Variants in SLC1A4 observed in about 807,000 individuals in gnomAD.
The protein encoded by SLC1A4 is neutral amino acid transporter A.
A neutral mutation model predicts 37.7 loss-of-function variants in SLC1A4; 19 were observed. The observed-to-expected ratio is 0.50, with a 90% CI of 0.35 to 0.74. The LOEUF is 0.74. Among genes scored for constraint, SLC1A4 ranks in the 30% least tolerant of loss-of-function variants. The pLI is 0.01. For missense variants in SLC1A4, 570 were observed against 712.9 expected (o/e 0.80, Z 2.28); for synonymous variants, 299 against 309.8 (o/e 0.97, Z 0.37).
intron 1 of SLC1A4, among the ~76,000 whole-genome samples, chr2:64,990,554 T>C (rs1558510984): frequency 6.6e-6 from 1 of 152,208 alleles, no homozygotes; most frequent in Non-Finnish European, 1.5e-5. Context: ...TTCTCCCACA[T>C]GGTGCCTAAA....
intron 2 of SLC1A4, 40 bp from the exon 3 acceptor site, chr2:65,003,913 T>G: frequency 6.4e-7 from 1 of 1,563,026 alleles, no homozygotes; most frequent in Non-Finnish European, 8.8e-7. Flanking sequence ...GGTCTTCACC[T>G]GTGCACTAAC....
At chr2:65,015,183 G>A (rs937168237) in intron 4 of SLC1A4, among the ~76,000 whole-genome samples, 7 of 152,232 alleles carry the variant, frequency 4.6e-5, no homozygotes, top group Admixed American at 2.6e-4. Flanking sequence ...GGAGGGGAAA[G>A]TAGGCTGTTA....
intron 1 of SLC1A4, among the ~76,000 whole-genome samples, chr2:64,991,732 C>G (rs530020155): frequency 7.9e-5 from 12 of 152,340 alleles, no homozygotes; most frequent in Non-Finnish European, 1.2e-4. Flanking sequence ...TCCCGAGTAG[C>G]TGGGATTACA....
intron 1 of SLC1A4, among the ~76,000 whole-genome samples, chr2:64,990,697 T>C (rs530981496): frequency 4.6e-5 from 7 of 152,284 alleles, no homozygotes; most frequent in Admixed American, 2.6e-4. Flanking sequence ...CCACGGATAA[T>C]AGGGCTGGGG....
intron 7 of SLC1A4, among the ~76,000 whole-genome samples, chr2:65,019,984 CCT>C (rs1221221804): frequency 6.6e-6 from 1 of 152,208 alleles, no homozygotes; most frequent in Non-Finnish European, 1.5e-5. Flanking sequence ...CACATTTTTC[CCT>C]CTCTTCAAAA....
chr2:65,018,121 T>G lies in SLC1A4; in HGVS notation c.1085T>G (p.Val362Gly), dbSNP rs942888353. Residue 362 changes from valine to glycine, a missense_variant, in exon 6 of 8, where the codon GTG (valine) becomes GGG (glycine). By Grantham distance (109) the Val-to-Gly change is moderately radical. Coordinates refer to ENST00000234256, the MANE Select transcript of SLC1A4 (RefSeq NM_003038.5). This position sits in a 1 kb window ranked among gnomAD's most constrained non-coding sequence, Gnocchi z 4.3. ...AAGTGCATTGAAGAGAACAATGGTG[T>G]GGACAAGAGGATCAGCAGGTTTATT... ...MMKCIEENNGVDKRISRFILP... is the reference protein window; with the variant it reads ...MMKCIEENNGGDKRISRFILP... 1 of 1,614,078 alleles carries G rather than the reference T, an allele frequency of 6.2e-7. No individual in the cohort carries two copies. The highest frequency in any genetic ancestry group is 8.5e-7 in the Non-Finnish European group (1 of 1,180,044).
chr2:65,004,221 TC>T (rs1200553956), intron 3 of SLC1A4, among the ~76,000 whole-genome samples: 6 of 151,974 alleles, frequency 3.9e-5, no homozygotes, highest in African/African-American at 1.5e-4. Flanking sequence ...CCTCAGAGGA[TC>T]CGTAAAACAT....
intron 5 of SLC1A4, 122 bp downstream of exon 5, chr2:65,016,795 GTCT>G (rs1674156716): frequency 1.4e-6 from 1 of 690,394 alleles, no homozygotes. Flanking sequence ...CTCTAAATCG[GTCT>G]TCTGTTATTT....
At chr2:64,992,763 T>C (rs1673107158) in intron 1 of SLC1A4, among the ~76,000 whole-genome samples, 2 of 152,092 alleles carry the variant, frequency 1.3e-5, no homozygotes, top group South Asian at 4.1e-4. Context: ...ATCTCAGAAA[T>C]GCTTTCTCTG....
intron 1 of SLC1A4, chr2:64,999,703 G>A (rs1282977176): frequency 6.6e-6 from 1 of 151,900 alleles, no homozygotes; most frequent in African/African-American, 2.4e-5. Flanking sequence ...CTTGAAGTTT[G>A]GACTGGGAGC....
chr2:64,996,549 C>T (rs1285352551), intron 1 of SLC1A4, among the ~76,000 whole-genome samples: 2 of 152,186 alleles, frequency 1.3e-5, no homozygotes, highest in Non-Finnish European at 2.9e-5. Context: ...GATTTCAGTA[C>T]TCTACATCTG....
At chr2:65,003,312 CA>C (rs1454068084) in intron 2 of SLC1A4, among the ~76,000 whole-genome samples, 1 of 152,226 alleles carries the variant, frequency 6.6e-6, no homozygotes, top group Non-Finnish European at 1.5e-5. Flanking sequence ...CATACTGCCA[CA>C]GGCAGACACC....
At chr2:65,004,108 T>C (rs1673584046) in intron 3 of SLC1A4, 93 bp downstream of exon 3, 2 of 1,124,546 alleles carry the variant, frequency 1.8e-6, no homozygotes, top group Non-Finnish European at 2.6e-6. Flanking sequence ...GCTGAAAACT[T>C]TGAGGTTTGA....
At chr2:64,996,666 G>C (rs1673263245) in intron 1 of SLC1A4, among the ~76,000 whole-genome samples, 1 of 152,328 alleles carries the variant, frequency 6.6e-6, no homozygotes, top group African/African-American at 2.4e-5. Context: ...TACATTTCAA[G>C]TGCTCTATAG....
intron 3 of SLC1A4, among the ~76,000 whole-genome samples, chr2:65,006,631 G>A (rs1359629207): frequency 6.6e-6 from 1 of 152,030 alleles, no homozygotes; most frequent in Non-Finnish European, 1.5e-5. Context: ...TGGGATATTG[G>A]TGACAGAATG....
At chr2:65,002,443 T>C (rs905423137) in intron 2 of SLC1A4, among the ~76,000 whole-genome samples, 1 of 151,748 alleles carries the variant, frequency 6.6e-6, no homozygotes, top group Non-Finnish European at 1.5e-5. Context: ...GCCACGGCTG[T>C]AGAGTATTCC....
At chr2:64,990,579 T>C (rs1238812703) in intron 1 of SLC1A4, among the ~76,000 whole-genome samples, 1 of 152,180 alleles carries the variant, frequency 6.6e-6, no homozygotes, top group South Asian at 2.1e-4. Context: ...TCTGGGAGCA[T>C]TGGTTAAGTT....
chr2:65,020,134 C>A (rs1674355471), intron 7 of SLC1A4, among the ~76,000 whole-genome samples: 1 of 152,184 alleles, frequency 6.6e-6, no homozygotes, highest in African/African-American at 2.4e-5. Flanking sequence ...CAATGGAACA[C>A]ATATGAAGAT....
Position 65,021,284 on chromosome 2 carries a change from G to C in SLC1A4, c.*138G>C, listed in dbSNP as rs946007236. 2.4e-5 allele frequency: 16 copies of C among 680,442 alleles called. No homozygotes were observed. In the African/African-American group the frequency reaches 2.9e-4, roughly 12 times the overall value. The allele number at this position is 680,442 out of a possible 1,614,324, so 42.2% of individuals were successfully genotyped here. A position where few individuals can be genotyped will look rare whatever the true frequency, so the allele number is the denominator to read the frequency against. On this transcript the variant is annotated 3_prime_UTR_variant, in exon 8 of 8. Coordinates refer to ENST00000234256, the MANE Select transcript of SLC1A4 (RefSeq NM_003038.5). ...GCTTTGGCCCAGTCGCTGGCCTGAG[G>C]CTTACCTCTCGGCACTGGCATTGGG...
Sources: gnomAD v4.1 joint callset for allele counts (sites outside exome capture counted in the v4.1 genomes callset) on GRCh38, gnomAD v4.1.1 for gene constraint, Gnocchi (gnomAD v3.1) non-coding constraint, MANE v1.5 for transcripts, NCBI Gene and HGNC (gene_info 2026-07-23, HGNC 2026-07-21) for gene names.